LRRC53: variants seen among roughly 807,000 people sequenced by gnomAD.
LRRC53 encodes the protein leucine-rich repeat-containing protein 53.
In LRRC53, 25 loss-of-function variants were observed where a neutral mutation model predicts 13.6. That is an observed-to-expected ratio of 1.83 (90% CI 1.34 to 2.56). The LOEUF is 2.56. Ranked by LOEUF, LRRC53 falls within the 30% of genes most tolerant of loss-of-function variation. The pLI, the probability that LRRC53 is intolerant of heterozygous loss-of-function variation, is 0.00. For missense variants in LRRC53, 527 were observed against 275.8 expected, an observed-to-expected ratio of 1.91 and a Z score of -6.45; for synonymous variants, 204 against 109.8, an observed-to-expected ratio of 1.86 and a Z score of -5.37.
Position 74,480,271 on chromosome 1 carries a change from C to T in LRRC53, c.786G>A (p.Leu262=), listed in dbSNP as rs1391507185. ...AATCACAGTTGGTCTCAGACAGCCT[C>T]AGCACACTCTGTGCAGCTGCCACAG... ...TAAVAAAQSV[L]RLSETNCDSK... The change falls in exon 3 of 5, where the codon CTG becomes CTA. Residue 262 remains leucine, a synonymous_variant. Coordinates refer to ENST00000294635, the MANE Select transcript of LRRC53 (RefSeq NM_001382280.1). The T allele has an allele frequency of 5.6e-6, 4 of 717,450 alleles. No homozygotes were observed. The Admixed American group carries it at 6.0e-5, about 11-fold the overall frequency. The allele number at this position is 717,450 out of a possible 1,614,324, so 44.4% of individuals were successfully genotyped here. A position where few individuals can be genotyped will look rare whatever the true frequency, so the allele number is the denominator to read the frequency against.
At chr1:74,525,850 A>G in the LRRC53 span, among the ~76,000 whole-genome samples, 3 of 152,206 alleles carry the variant, frequency 2.0e-5, no homozygotes, top group African/African-American at 7.2e-5. Context: ...ATCACAGCAC[A>G]TCACACCAGA....
At chr1:74,531,946 T>G in the LRRC53 span, among the ~76,000 whole-genome samples, 2 of 152,192 alleles carry the variant, frequency 1.3e-5, no homozygotes, top group Non-Finnish European at 2.9e-5. Context: ...TCCAAATGGC[T>G]AAATCATCCA....
the LRRC53 span, among the ~76,000 whole-genome samples, chr1:74,524,743 C>A: frequency 3.3e-5 from 5 of 149,684 alleles, no homozygotes; most frequent in African/African-American, 9.9e-5. Flanking sequence ...TGACAGGCAA[C>A]TTTTTAAAAA....
chr1:74,516,070 C>T (rs1324322917), upstream of LRRC53, among the ~76,000 whole-genome samples: 1 of 152,220 alleles, frequency 6.6e-6, no homozygotes, highest in Non-Finnish European at 1.5e-5. Context: ...AAGCCATCTT[C>T]TGTGGATCTT....
At chr1:74,528,020 C>T in the LRRC53 span, among the ~76,000 whole-genome samples, 1 of 152,076 alleles carries the variant, frequency 6.6e-6, no homozygotes, top group African/African-American at 2.4e-5. Flanking sequence ...AAGGTAGTCA[C>T]GTGGGAGAGT....
the LRRC53 span, among the ~76,000 whole-genome samples, chr1:74,534,648 A>G: frequency 6.6e-6 from 1 of 152,162 alleles, no homozygotes; most frequent in Non-Finnish European, 1.5e-5. Flanking sequence ...GCTTAACAAT[A>G]TATCTCTTTG....
chr1:74,527,130 A>G, the LRRC53 span, among the ~76,000 whole-genome samples: 1 of 152,336 alleles, frequency 6.6e-6, no homozygotes, highest in East Asian at 1.9e-4. Context: ...GTGGAAAAAT[A>G]TGAAGGCTAC....
intron 1 of LRRC53, among the ~76,000 whole-genome samples, chr1:74,503,283 A>G (rs1280908737): frequency 2.0e-5 from 3 of 152,232 alleles, no homozygotes; most frequent in Non-Finnish European, 4.4e-5. Flanking sequence ...AATTCTACTT[A>G]GAAATAATTT....
At chr1:74,504,303 A>C (rs1432711872) in intron 1 of LRRC53, among the ~76,000 whole-genome samples, 30 of 152,154 alleles carry the variant, frequency 2.0e-4, no homozygotes. Flanking sequence ...GCTTGTTTTT[A>C]GCTGCCTTGC....
chr1:74,477,862 G>A (rs942584910), intron 3 of LRRC53, among the ~76,000 whole-genome samples: 4 of 152,172 alleles, frequency 2.6e-5, no homozygotes, highest in Non-Finnish European at 5.9e-5. Flanking sequence ...CAATCTACCT[G>A]TGTTGGCAAG....
intron 1 of LRRC53, among the ~76,000 whole-genome samples, chr1:74,510,412 G>A (rs1670126341): frequency 6.6e-6 from 1 of 152,160 alleles, no homozygotes; most frequent in Non-Finnish European, 1.5e-5. Flanking sequence ...GGAGGCTGAG[G>A]CAGGAGAATG....
At chr1:74,534,075 A>G in the LRRC53 span, among the ~76,000 whole-genome samples, 1 of 152,188 alleles carries the variant, frequency 6.6e-6, no homozygotes, top group Non-Finnish European at 1.5e-5. Flanking sequence ...TTTTATAAAA[A>G]TGTTACAAGC....
chr1:74,512,651 C>T (rs1001529852), upstream of LRRC53: 3 of 152,164 alleles, frequency 2.0e-5, no homozygotes, highest in Non-Finnish European at 2.9e-5. Context: ...TATGCATCTC[C>T]ACTCCCACAC....
At chr1:74,533,079 C>A in the LRRC53 span, among the ~76,000 whole-genome samples, 1 of 152,146 alleles carries the variant, frequency 6.6e-6, no homozygotes, top group Non-Finnish European at 1.5e-5. Flanking sequence ...TCTAATTAAA[C>A]TAAAGAGCTT....
the LRRC53 span, among the ~76,000 whole-genome samples, chr1:74,531,755 A>G: frequency 6.6e-6 from 1 of 152,206 alleles, no homozygotes; most frequent in Non-Finnish European, 1.5e-5. Flanking sequence ...TTTCCTTTTG[A>G]GTATAAGAGA....
intron 1 of LRRC53, among the ~76,000 whole-genome samples, chr1:74,490,686 A>G (rs1373117726): frequency 6.6e-6 from 1 of 152,176 alleles, no homozygotes; most frequent in Non-Finnish European, 1.5e-5. Context: ...TATCCTCTCT[A>G]TTCTTCAACT....
the LRRC53 span, among the ~76,000 whole-genome samples, chr1:74,534,716 G>T: frequency 1.5e-5 from 2 of 136,640 alleles, no homozygotes; most frequent in African/African-American, 5.0e-5. Context: ...ATTGCAACAT[G>T]AATATTCTAC....
At chr1:74,486,201 A>AAGAGAGTATAAAGAGAGAGAGAGAG (rs1668752141) in intron 1 of LRRC53, among the ~76,000 whole-genome samples, 3 of 136,410 alleles carry the variant, frequency 2.2e-5, no homozygotes, top group Non-Finnish European at 4.7e-5. Context: ...AAATGCTATA[A>AAGAGAGTATAAAGAGAGAGAGAGAG]AGAGAGAGAG....
At chr1:74,534,219 ACT>A in the LRRC53 span, among the ~76,000 whole-genome samples, 1 of 107,910 alleles carries the variant, frequency 9.3e-6, no homozygotes, top group Non-Finnish European at 1.8e-5. Flanking sequence ...TTTTAATTTC[ACT>A]CTTAACTTTC....
Sources: allele counts gnomAD v4.1 joint callset (sites outside exome capture counted in the v4.1 genomes callset), GRCh38; gene constraint gnomAD v4.1.1; transcripts MANE v1.5; gene names NCBI Gene and HGNC (gene_info 2026-07-23, HGNC 2026-07-21).